Variants in FSTL4 observed in about 807,000 individuals in gnomAD.
FSTL4 encodes follistatin-related protein 4.
In FSTL4, 28 loss-of-function variants were observed where a neutral mutation model predicts 78.2. That is an observed-to-expected ratio of 0.36 (90% CI 0.27 to 0.49). FSTL4 has a LOEUF of 0.49. FSTL4 is among the 20% of genes least tolerant of loss of function. The probability of loss-of-function intolerance (pLI) is 0.98; values close to 1 mark genes in which losing one functional copy is unlikely to be tolerated. For synonymous variants in FSTL4, 422 were observed against 440.5 expected, an observed-to-expected ratio of 0.96 and a Z score of 0.53; for missense variants, 922 against 1,084.9, an observed-to-expected ratio of 0.85 and a Z score of 2.11.
At chr5:133,589,765 C>T (rs1760585704) in intron 2 of FSTL4, among the ~76,000 whole-genome samples, 1 of 152,042 alleles carries the variant, frequency 6.6e-6, no homozygotes, top group African/African-American at 2.4e-5. Context: ...ATGTCCTTTC[C>T]CTAGATTCAA....
intron 3 of FSTL4, among the ~76,000 whole-genome samples, chr5:133,431,514 G>A (rs1440144430): frequency 1.3e-5 from 2 of 152,202 alleles, no homozygotes; most frequent in Admixed American, 6.5e-5. Context: ...TACAAGGGGT[G>A]GAGGAGTATA....
intron 3 of FSTL4, among the ~76,000 whole-genome samples, chr5:133,424,714 C>T (rs1375505774): frequency 1.3e-5 from 2 of 152,202 alleles, no homozygotes; most frequent in Admixed American, 1.3e-4. Context: ...AGGCAGCATT[C>T]CCATAGCTGG....
intron 3 of FSTL4, among the ~76,000 whole-genome samples, chr5:133,515,562 A>T (rs1412689839): frequency 6.6e-6 from 1 of 152,206 alleles, no homozygotes; most frequent in Non-Finnish European, 1.5e-5. Flanking sequence ...CAGAAAACAA[A>T]ATAAGCTGCA....
intron 3 of FSTL4, among the ~76,000 whole-genome samples, chr5:133,506,406 A>G (rs915100834): frequency 6.6e-6 from 1 of 152,172 alleles, no homozygotes; most frequent in African/African-American, 2.4e-5. Flanking sequence ...TGATTCTATC[A>G]ACTTGTCACT....
intron 6 of FSTL4, among the ~76,000 whole-genome samples, chr5:133,277,473 A>G (rs1017378191): frequency 6.6e-6 from 1 of 152,192 alleles, no homozygotes; most frequent in African/African-American, 2.4e-5. Flanking sequence ...TGCTTCATTG[A>G]GCTGTGCACT....
At chr5:133,702,617 G>C in the FSTL4 span, among the ~76,000 whole-genome samples, 1 of 152,148 alleles carries the variant, frequency 6.6e-6, no homozygotes, top group Non-Finnish European at 1.5e-5. Context: ...TCTAGACTGG[G>C]GCTCCAGGGA....
At chr5:133,544,363 G>T (rs1317092369) in intron 3 of FSTL4, among the ~76,000 whole-genome samples, 1 of 151,638 alleles carries the variant, frequency 6.6e-6, no homozygotes, top group East Asian at 1.9e-4. Flanking sequence ...TTTATTCAAA[G>T]ATATTTGATG....
At chr5:133,215,698 A>G (rs1750884140) in intron 13 of FSTL4, among the ~76,000 whole-genome samples, 2 of 152,216 alleles carry the variant, frequency 1.3e-5, no homozygotes, top group Non-Finnish European at 2.9e-5. Flanking sequence ...GAAAGCCAAA[A>G]TCAATTGAAA....
chr5:133,347,000 A>G (rs1472680408), intron 4 of FSTL4, among the ~76,000 whole-genome samples: 2 of 151,556 alleles, frequency 1.3e-5, no homozygotes, highest in Admixed American at 1.3e-4. Context: ...GTCCCTCTAA[A>G]GGTTTTTTTT....
At chr5:133,495,867 T>C (rs908741511) in intron 3 of FSTL4, among the ~76,000 whole-genome samples, 2 of 152,198 alleles carry the variant, frequency 1.3e-5, no homozygotes, top group Non-Finnish European at 2.9e-5. Context: ...GTTAGAATTA[T>C]GTTTAAAGCA....
At chr5:133,836,819 C>T in the FSTL4 span, among the ~76,000 whole-genome samples, 1 of 152,196 alleles carries the variant, frequency 6.6e-6, no homozygotes, top group African/African-American at 2.4e-5. Flanking sequence ...CAGTGTCACG[C>T]TCACTGTTGC....
chr5:133,738,019 C>T, the FSTL4 span, among the ~76,000 whole-genome samples: 1 of 152,144 alleles, frequency 6.6e-6, no homozygotes, highest in Non-Finnish European at 1.5e-5. Context: ...TTTCTCCGGG[C>T]TCAGGGTTAT....
chr5:133,473,692 GA>G (rs1231520735), intron 3 of FSTL4, among the ~76,000 whole-genome samples: 1 of 152,234 alleles, frequency 6.6e-6, no homozygotes, highest in Non-Finnish European at 1.5e-5. Flanking sequence ...CTGCTGTGAA[GA>G]AATACCTGAG....
Position 133,611,645 on chromosome 5 carries a change from T to C in FSTL4, c.-11+680A>G, listed in dbSNP as rs1307836919. On this transcript the variant is annotated intron_variant, in intron 1 of 15. Coordinates refer to ENST00000265342, the MANE Select transcript of FSTL4 (RefSeq NM_015082.2). This position sits in a 1 kb window ranked among gnomAD's most constrained non-coding sequence, Gnocchi z 4.9. The stretch of plus-strand genomic sequence containing the variant: ...AGCGGGTACCCCGGGCCGCTCACTC[T>C]GGACCGCGGCCGGCTACGCACAAGC... 6.6e-6 allele frequency among the ~76,000 whole-genome samples: 1 copy of C among 152,158 alleles called. No homozygotes were observed. The highest frequency in any genetic ancestry group is 1.5e-5 in the Non-Finnish European group (1 of 68,026).
chr5:133,320,284 C>T (rs1233262001), intron 4 of FSTL4, among the ~76,000 whole-genome samples: 1 of 152,196 alleles, frequency 6.6e-6, no homozygotes, highest in Admixed American at 6.5e-5. Context: ...GTGTCAAAGT[C>T]ATAGGTTACC....
the FSTL4 span, among the ~76,000 whole-genome samples, chr5:133,756,268 A>G: frequency 6.6e-6 from 1 of 151,842 alleles, no homozygotes; most frequent in Non-Finnish European, 1.5e-5. Context: ...ACACCAGGGA[A>G]CCTGGGTGGC....
At chr5:133,256,090 AC>A (rs1231891406) in intron 6 of FSTL4, among the ~76,000 whole-genome samples, 1 of 152,186 alleles carries the variant, frequency 6.6e-6, no homozygotes, top group Non-Finnish European at 1.5e-5. Flanking sequence ...GGTGAAAAAA[AC>A]CCTGTCAAAA....
chr5:133,256,680 G>T (rs564145981), intron 6 of FSTL4, among the ~76,000 whole-genome samples: 1 of 152,358 alleles, frequency 6.6e-6, no homozygotes, highest in South Asian at 2.1e-4. Context: ...TGACATTCCT[G>T]TTTAGAGCAC....
chr5:133,524,645 G>A (rs914548213), intron 3 of FSTL4, among the ~76,000 whole-genome samples: 12 of 152,164 alleles, frequency 7.9e-5, no homozygotes, highest in African/African-American at 2.2e-4. Context: ...ATACTAACAG[G>A]TGCATAGAGG....
Sources: gnomAD v4.1 joint callset for allele counts (sites outside exome capture counted in the v4.1 genomes callset) on GRCh38, gnomAD v4.1.1 for gene constraint, Gnocchi (gnomAD v3.1) non-coding constraint, MANE v1.5 for transcripts, NCBI Gene and HGNC (gene_info 2026-07-23, HGNC 2026-07-21) for gene names.